Variants in CNTN4 observed in about 807,000 individuals in gnomAD.
CNTN4 encodes contactin 4, also known as contactin-4.
A neutral mutation model predicts 122.5 loss-of-function variants in CNTN4; 77 were observed. That is an observed-to-expected ratio of 0.63 (90% CI 0.52 to 0.76). CNTN4 has a LOEUF of 0.76. Among genes scored for constraint, CNTN4 ranks in the 30% least tolerant of loss-of-function variants. The pLI, the probability that CNTN4 is intolerant of heterozygous loss-of-function variation, is 0.00. For missense variants in CNTN4, 1,256 were observed against 1,259.1 expected (o/e 1.00, Z 0.04); for synonymous variants, 512 against 447.0 (o/e 1.15, Z -1.83).
intron 4 of CNTN4, among the ~76,000 whole-genome samples, chr3:2,687,210 G>A (rs1456575922): frequency 9.1e-5 from 1 of 10,978 alleles, no homozygotes; most frequent in Non-Finnish European, 2.1e-4. Context: ...GGAGTTACAT[G>A]TCTGCAGTGC....
chr3:2,212,680 C>T (rs138516733), intron 2 of CNTN4, among the ~76,000 whole-genome samples: 6 of 152,300 alleles, frequency 3.9e-5, no homozygotes, highest in Non-Finnish European at 5.9e-5. Flanking sequence ...CAGCTACCTA[C>T]CAATTTTTAA....
chr3:2,231,552 A>G (rs901782667), intron 2 of CNTN4, among the ~76,000 whole-genome samples: 16 of 152,236 alleles, frequency 1.1e-4, no homozygotes, highest in Admixed American at 5.2e-4. Flanking sequence ...ATACATAAAC[A>G]TGACTCCAGT....
intron 3 of CNTN4, among the ~76,000 whole-genome samples, chr3:2,550,063 T>C (rs1184661145): frequency 1.3e-5 from 2 of 152,198 alleles, no homozygotes; most frequent in East Asian, 1.9e-4. Context: ...GGTCATTTTT[T>C]ATTGTGCCTA....
At chr3:2,318,218 TAA>T (rs372313468) in intron 2 of CNTN4, among the ~76,000 whole-genome samples, 43 of 112,632 alleles carry the variant, frequency 3.8e-4, no homozygotes, top group Admixed American at 5.5e-4. Flanking sequence ...AACTTGTCCC[TAA>T]AAAAAAAAAA....
chr3:3,029,267 T>C (rs1275569840), intron 15 of CNTN4, among the ~76,000 whole-genome samples: 1 of 152,234 alleles, frequency 6.6e-6, no homozygotes, highest in Non-Finnish European at 1.5e-5. Flanking sequence ...AAATGGATCA[T>C]GGCTGTCAGT....
intron 13 of CNTN4, among the ~76,000 whole-genome samples, chr3:2,986,419 C>G (rs1263393281): frequency 6.6e-6 from 1 of 152,190 alleles, no homozygotes; most frequent in Admixed American, 6.5e-5. Context: ...ACCCACAGCT[C>G]TGGAATGTGA....
intron 2 of CNTN4, among the ~76,000 whole-genome samples, chr3:2,287,640 GAAGAAGAAGAAGA>G (rs1559415215): frequency 0.024 from 1,422 of 58,306 alleles, 42 homozygotes; most frequent in Middle Eastern, 0.037. Context: ...AGGAGAAGAA[GAAGAAGAAGAAGA>G]AGAAGAAGAA....
chr3:2,634,602 A>G, intron 4 of CNTN4, among the ~76,000 whole-genome samples: 1 of 151,668 alleles, frequency 6.6e-6, no homozygotes, highest in Non-Finnish European at 1.5e-5. Flanking sequence ...AGGCCAAGGC[A>G]GGTGGGTCAT....
chr3:2,560,207 C>G (rs991236217), intron 3 of CNTN4, among the ~76,000 whole-genome samples: 1 of 151,376 alleles, frequency 6.6e-6, no homozygotes, highest in African/African-American at 2.4e-5. Flanking sequence ...GTGGTGCAAT[C>G]ATGGCTCACT....
intron 3 of CNTN4, among the ~76,000 whole-genome samples, chr3:2,354,306 G>A (rs955380265): frequency 6.6e-6 from 1 of 152,134 alleles, no homozygotes; most frequent in Non-Finnish European, 1.5e-5. Context: ...CGAGGCAGGC[G>A]GATCACCTGA....
At chr3:2,941,260 C>T (rs1368682570) in intron 13 of CNTN4, among the ~76,000 whole-genome samples, 1 of 152,152 alleles carries the variant, frequency 6.6e-6, no homozygotes, top group Non-Finnish European at 1.5e-5. Context: ...CTTCCTCATC[C>T]ACTTTGCCTC....
At chr3:2,639,902 C>G (rs1171526842) in intron 4 of CNTN4, among the ~76,000 whole-genome samples, 1 of 152,170 alleles carries the variant, frequency 6.6e-6, no homozygotes, top group Non-Finnish European at 1.5e-5. Context: ...TAAGGAACAA[C>G]TAAGCTATCT....
chr3:2,491,100 A>C (rs934125124), intron 3 of CNTN4, among the ~76,000 whole-genome samples: 3 of 152,196 alleles, frequency 2.0e-5, no homozygotes, highest in Non-Finnish European at 4.4e-5. Context: ...ATCAATCTGG[A>C]AAACCAATAG....
chr3:3,008,181 T>G (rs1327256812), intron 14 of CNTN4, among the ~76,000 whole-genome samples: 2 of 152,174 alleles, frequency 1.3e-5, no homozygotes, highest in Non-Finnish European at 2.9e-5. Context: ...ATATCAAGTT[T>G]AGACAGTTTT....
chr3:2,299,208 CACTT>C (rs796718964), intron 2 of CNTN4, among the ~76,000 whole-genome samples: 2 of 152,246 alleles, frequency 1.3e-5, no homozygotes, highest in African/African-American at 4.8e-5. Context: ...GAAAATTAAA[CACTT>C]GAGCAGATTA....
At position 2,231,380 on chromosome 3, in the gene CNTN4, C is replaced by A. The variant is rs533534530; in HGVS notation, c.-144-107798C>A. Reference sequence around the variant, plus strand: ...TTTCCCTAATCCATCCCCTTAACTCCCCCACATTTTGTCATTCAGATGATC... The same window carrying A: ...TTTCCCTAATCCATCCCCTTAACTCACCCACATTTTGTCATTCAGATGATC... On this transcript the variant is annotated intron_variant, in intron 2 of 24. Transcript: ENST00000418658. Among the ~76,000 whole-genome samples, 9 of 152,254 alleles carry A rather than the reference C, an allele frequency of 5.9e-5. No homozygotes were observed. In the South Asian group the frequency reaches 1.7e-3, roughly 28 times the overall value.
chr3:2,383,836 A>G (rs1356242551), intron 3 of CNTN4, among the ~76,000 whole-genome samples: 1 of 146,432 alleles, frequency 6.8e-6, no homozygotes, highest in Non-Finnish European at 1.5e-5. Flanking sequence ...TCCCTATCTC[A>G]CTCCATATAT....
In CNTN4 at chr3:2,405,338, C is replaced by A. The variant is rs534590310; in HGVS notation, c.-89+66105C>A. Among the ~76,000 whole-genome samples the A allele has an allele frequency of 1.5e-4, 23 of 152,246 alleles. No homozygotes were observed. In the South Asian group the frequency reaches 4.6e-3, roughly 30 times the overall value. On this transcript the variant is annotated intron_variant, in intron 3 of 24. Transcript: ENST00000418658. ...ATATCTTGGTATTTAAATATCAGTTCTTCAAATGCTCTTTGAAGTAGCTGA... is the reference window on the plus strand; with the variant it reads ...ATATCTTGGTATTTAAATATCAGTTATTCAAATGCTCTTTGAAGTAGCTGA...
At position 2,385,498 on chromosome 3, in the gene CNTN4, T is replaced by C. The variant is rs118149014; in HGVS notation, c.-89+46265T>C. Reference sequence around the variant, plus strand: ...AGCAAAGTACCATACACAGGGTGACTTAAAATGACAGAAGTTTATTCTCTC... The same window carrying C: ...AGCAAAGTACCATACACAGGGTGACCTAAAATGACAGAAGTTTATTCTCTC... On this transcript the variant is annotated intron_variant, in intron 3 of 24. Coordinates refer to ENST00000418658, the MANE Select transcript of CNTN4 (RefSeq NM_175607.3). The surrounding 1 kb of genome is among the most constrained non-coding windows in gnomAD (Gnocchi z 4.0). Among the ~76,000 whole-genome samples, 1 of 152,196 alleles carries C rather than the reference T, an allele frequency of 6.6e-6. No homozygotes were observed. The highest frequency in any genetic ancestry group is 1.9e-4 in the East Asian group (1 of 5,164).
Sources: allele counts gnomAD v4.1 joint callset (sites outside exome capture counted in the v4.1 genomes callset), GRCh38; gene constraint gnomAD v4.1.1; non-coding constraint Gnocchi (gnomAD v3.1); transcripts MANE v1.5; gene names NCBI Gene and HGNC (gene_info 2026-07-23, HGNC 2026-07-21).